The following ZFHX3 variants were observed in gnomAD, a reference collection of about 807,000 sequenced individuals.
ZFHX3 encodes the protein zinc finger homeobox protein 3.
In ZFHX3, 42 loss-of-function variants were observed where a neutral mutation model predicts 279.1. That is an observed-to-expected ratio of 0.15 (90% CI 0.12 to 0.19). ZFHX3 has a LOEUF of 0.19. Ranked by LOEUF, ZFHX3 falls within the 10% of genes least tolerant of loss-of-function variation. The probability of loss-of-function intolerance (pLI) is 1.00; values close to 1 mark genes in which losing one functional copy is unlikely to be tolerated. For missense variants in ZFHX3, 4,981 were observed against 4,754.0 expected (o/e 1.05, Z -1.40); for synonymous variants, 2,293 against 1,957.8 (o/e 1.17, Z -4.52).
rs190418409 is a variant in ZFHX3, at chr16:73,666,054, G to A, written c.-1547+14126C>T. Among the ~76,000 whole-genome samples, 34 of 151,800 alleles carry A rather than the reference G, an allele frequency of 2.2e-4. No individual in the cohort carries two copies. In the East Asian group the frequency reaches 4.8e-3, roughly 22 times the overall value. On this transcript the variant is annotated intron_variant, in intron 2 of 17. Transcript: ENST00000641206. ...TATGGTCTCGATCTCCTGACCTTGC[G>A]ATCCACCCACCTCAGCCTCCCAAAG... is the stretch of plus-strand genomic sequence containing the variant.
At chr16:73,760,135 T>C (rs1188225320) in intron 1 of ZFHX3, among the ~76,000 whole-genome samples, 1 of 151,632 alleles carries the variant, frequency 6.6e-6, no homozygotes, top group Non-Finnish European at 1.5e-5. Context: ...TCCACAGAAA[T>C]ACCATCAGAG....
intron 1 of ZFHX3, among the ~76,000 whole-genome samples, chr16:73,002,288 C>G (rs1963526932): frequency 1.3e-5 from 2 of 152,168 alleles, no homozygotes; most frequent in Non-Finnish European, 2.9e-5. Flanking sequence ...CTCTGGTCTT[C>G]TCTTTTGGCA....
At chr16:73,114,428 C>T (rs1188233211) in intron 7 of ZFHX3, among the ~76,000 whole-genome samples, 2 of 152,058 alleles carry the variant, frequency 1.3e-5, no homozygotes, top group African/African-American at 4.8e-5. Flanking sequence ...GTAATCACAG[C>T]ACTTTGGGAG....
At chr16:73,121,930 A>G (rs974013553) in intron 7 of ZFHX3, among the ~76,000 whole-genome samples, 3 of 151,928 alleles carry the variant, frequency 2.0e-5, no homozygotes, top group Admixed American at 6.6e-5. Context: ...TGTGGTTTTC[A>G]CCATTACTTT....
chr16:72,931,215 T>C (rs1315182680), intron 3 of ZFHX3, among the ~76,000 whole-genome samples: 1 of 152,190 alleles, frequency 6.6e-6, no homozygotes, highest in Non-Finnish European at 1.5e-5. Flanking sequence ...CTTATGCATC[T>C]AATCATCAGG....
chr16:72,872,804 G>A (rs1386655188), intron 4 of ZFHX3, among the ~76,000 whole-genome samples: 1 of 152,082 alleles, frequency 6.6e-6, no homozygotes, highest in Non-Finnish European at 1.5e-5. Context: ...TCACCTACAC[G>A]CCTTTCAAAA....
chr16:73,679,040 C>T (rs2052983715), intron 2 of ZFHX3, among the ~76,000 whole-genome samples: 2 of 151,978 alleles, frequency 1.3e-5, no homozygotes, highest in East Asian at 1.9e-4. Flanking sequence ...CTGGCTCGTG[C>T]TCATAGGTAT....
At chr16:73,279,403 A>T (rs1320550387) in intron 4 of ZFHX3, among the ~76,000 whole-genome samples, 3 of 152,204 alleles carry the variant, frequency 2.0e-5, no homozygotes, top group African/African-American at 7.2e-5. Context: ...TCTGAAAGTG[A>T]CATACTATTT....
At chr16:73,319,778 T>C (rs1420858063) in intron 3 of ZFHX3, among the ~76,000 whole-genome samples, 6 of 152,090 alleles carry the variant, frequency 3.9e-5, no homozygotes, top group Non-Finnish European at 8.8e-5. Context: ...AATCTTCCTA[T>C]TGTGAGCACT....
chr16:72,812,070 A>C lies in ZFHX3; in HGVS notation c.3530-32T>G, dbSNP rs200739842. ...GAGAAAGTAGAAGATGCAATACAGCAGCCAGACCAGGCCAGCTCCCAGAGG... is the reference window on the plus strand; with the variant it reads ...GAGAAAGTAGAAGATGCAATACAGCCGCCAGACCAGGCCAGCTCCCAGAGG... On this transcript the variant is annotated intron_variant, in intron 5 of 9. Coordinates refer to ENST00000268489, the MANE Select transcript of ZFHX3 (RefSeq NM_006885.4). The C allele has an allele frequency of 1.5e-3, 2,345 of 1,610,416 alleles. 6 individuals carry two copies. The highest frequency in any genetic ancestry group is 1.7e-3 in the Non-Finnish European group (1,989 of 1,178,054).
Position 72,882,977 on chromosome 16 carries a change from GGTGTGTGTGTGTGTGTGTGTGTGTGT to G in ZFHX3, c.3448+6728_3448+6753del, listed in dbSNP as rs56328056. On this transcript the variant is annotated intron_variant, in intron 4 of 9. Transcript: ENST00000268489. ...ATTTTTGGCCTTCACACCACTCTGG[GGTGTGTGTGTGTGTGTGTGTGTGTGT>G]GTGTGTGTGTGTGTGTGTGTGTGTG... Among the ~76,000 whole-genome samples, 99 of 65,444 alleles carry G rather than the reference GGTGTGTGTGTGTGTGTGTGTGTGTGT, an allele frequency of 1.5e-3. 1 individual carries two copies. The Middle Eastern group carries it at 0.025, about 17-fold the overall frequency. 42.9% of individuals were successfully genotyped at this position (65,444 alleles called of 152,430 possible).
At chr16:73,455,831 T>C (rs2018362016) in intron 3 of ZFHX3, among the ~76,000 whole-genome samples, 3 of 151,826 alleles carry the variant, frequency 2.0e-5, no homozygotes, top group Admixed American at 6.6e-5. Context: ...GGGGGCCCAA[T>C]TGGAGCAATC....
At chr16:73,384,549 A>G (rs1156257780) in intron 3 of ZFHX3, among the ~76,000 whole-genome samples, 2 of 152,226 alleles carry the variant, frequency 1.3e-5, no homozygotes, top group African/African-American at 4.8e-5. Flanking sequence ...TTAAGTACCA[A>G]TCCTGTACAC....
At chr16:73,761,601 A>C (rs565109701) in intron 1 of ZFHX3, among the ~76,000 whole-genome samples, 1 of 152,326 alleles carries the variant, frequency 6.6e-6, no homozygotes, top group South Asian at 2.1e-4. Flanking sequence ...AGGCTATAGT[A>C]ATCAAAACAG....
chr16:73,886,897 G>A (rs2030364285), intron 1 of ZFHX3, among the ~76,000 whole-genome samples: 1 of 152,184 alleles, frequency 6.6e-6, no homozygotes, highest in Non-Finnish European at 1.5e-5. Context: ...GGACCAGTCT[G>A]TCACTGATTA....
intron 2 of ZFHX3, among the ~76,000 whole-genome samples, chr16:73,568,012 G>A (rs954002025): frequency 6.6e-6 from 1 of 152,114 alleles, no homozygotes; most frequent in Admixed American, 6.5e-5. Flanking sequence ...GAAAAAGAAA[G>A]AGTCCTCAAA....
Position 72,918,930 on chromosome 16 carries a change from T to A in ZFHX3, c.3217-28968A>T, listed in dbSNP as rs958935119. ...CCAGGATGGTCTCGATCTCCTGACC[T>A]CATGATCTTCCTGCCTCGGCCTCCC... is the stretch of plus-strand genomic sequence containing the variant. On this transcript the variant is annotated intron_variant, in intron 3 of 9. Coordinates refer to ENST00000268489, the MANE Select transcript of ZFHX3 (RefSeq NM_006885.4). Among the ~76,000 whole-genome samples the A allele has an allele frequency of 2.0e-5, 3 of 152,088 alleles. No homozygotes were observed. The East Asian group carries it at 5.8e-4, about 29-fold the overall frequency.
chr16:73,773,697 A>C (rs758686307), intron 1 of ZFHX3, among the ~76,000 whole-genome samples: 9 of 152,224 alleles, frequency 5.9e-5, no homozygotes, highest in Non-Finnish European at 1.2e-4. Flanking sequence ...GTGACATTTC[A>C]CATAATTTCA....
At chr16:73,091,469 C>T (rs1215295235) in intron 8 of ZFHX3, among the ~76,000 whole-genome samples, 1 of 152,154 alleles carries the variant, frequency 6.6e-6, no homozygotes, top group Non-Finnish European at 1.5e-5. Context: ...AAGGCCAGCA[C>T]ACACTCCTGT....
Sources: allele counts gnomAD v4.1 joint callset (sites outside exome capture counted in the v4.1 genomes callset), GRCh38; gene constraint gnomAD v4.1.1; transcripts MANE v1.5; gene names NCBI Gene and HGNC (gene_info 2026-07-23, HGNC 2026-07-21).